The following P3H2 variants were observed in gnomAD, a reference collection of about 807,000 sequenced individuals.
P3H2 encodes leprecan-like 1.
A neutral mutation model predicts 87.0 loss-of-function variants in P3H2; 80 were observed. That is an observed-to-expected ratio of 0.92 (90% CI 0.77 to 1.11). The LOEUF (loss-of-function observed/expected upper bound fraction) is 1.11. Ranked by LOEUF, P3H2 falls within the 50% of genes least tolerant of loss-of-function variation. The pLI is 0.00. For missense variants in P3H2, 1,001 were observed against 923.9 expected (o/e 1.08, Z -1.08); for synonymous variants, 367 against 359.3 (o/e 1.02, Z -0.24).
chr3:190,099,521 G>A (rs1402987044), intron 1 of P3H2, among the ~76,000 whole-genome samples: 13 of 152,100 alleles, frequency 8.5e-5, no homozygotes. Flanking sequence ...TTATCACATA[G>A]CAAGAAAGAT....
rs1016261004 is a variant in P3H2, at chr3:190,021,395, A to G, written c.481-25953T>C. Among the ~76,000 whole-genome samples the G allele has an allele frequency of 3.0e-5, 4 of 134,742 alleles. 1 individual carries two copies. Among genetic ancestry groups the G allele is most frequent in the Non-Finnish European group, 6.6e-5 (4 of 60,344 alleles). 88.4% of individuals were successfully genotyped at this position (134,742 alleles called of 152,430 possible). ...TAAAATTCAATTATTAAACTATTTCAGTTTGTTTTTAAAGTCTTCCTTTTT... is the reference window on the plus strand; with the variant it reads ...TAAAATTCAATTATTAAACTATTTCGGTTTGTTTTTAAAGTCTTCCTTTTT... On this transcript the variant is annotated intron_variant, in intron 1 of 14. Coordinates refer to ENST00000319332, the MANE Select transcript of P3H2 (RefSeq NM_018192.4).
intron 1 of P3H2, among the ~76,000 whole-genome samples, chr3:190,008,137 T>G (rs1403382224): frequency 6.6e-6 from 1 of 151,718 alleles, no homozygotes; most frequent in Non-Finnish European, 1.5e-5. Context: ...AAGTATAGAG[T>G]GAAAAGTGTT....
chr3:189,974,488 C>A (rs1393692626), intron 9 of P3H2, 70 bp downstream of exon 9: 33 of 1,603,756 alleles, frequency 2.1e-5, no homozygotes, highest in African/African-American at 2.7e-5. Flanking sequence ...CAGATGAGAC[C>A]AGGACCAAAG....
intron 1 of P3H2, among the ~76,000 whole-genome samples, chr3:190,103,628 C>G (rs931319053): frequency 1.3e-5 from 2 of 152,072 alleles, no homozygotes; most frequent in African/African-American, 2.4e-5. Flanking sequence ...GGTGGCAAGG[C>G]TGAAAGAGCA....
chr3:190,014,946 C>T (rs942175619), intron 1 of P3H2, among the ~76,000 whole-genome samples: 1 of 152,156 alleles, frequency 6.6e-6, no homozygotes, highest in African/African-American at 2.4e-5. Context: ...CTTAAGCAAA[C>T]CATTCAATAT....
chr3:190,012,922 G>T (rs768382485), intron 1 of P3H2, among the ~76,000 whole-genome samples: 2 of 152,126 alleles, frequency 1.3e-5, no homozygotes, highest in African/African-American at 4.8e-5. Context: ...TTGAAAGTCC[G>T]CTTAGCTCAT....
intron 13 of P3H2, among the ~76,000 whole-genome samples, chr3:189,968,865 A>G (rs1055464175): frequency 6.6e-6 from 1 of 151,914 alleles, no homozygotes. Flanking sequence ...GCTTTTTTTC[A>G]TATGTTTGTT....
At chr3:190,118,569 G>A (rs942579429) in intron 1 of P3H2, among the ~76,000 whole-genome samples, 1 of 151,708 alleles carries the variant, frequency 6.6e-6, no homozygotes, top group South Asian at 2.1e-4. Flanking sequence ...ACAAGTCCTG[G>A]AAAGGATTCA....
rs570556995 is a variant in P3H2 at position 190,120,181 on chromosome 3, C to T, written c.480+71G>A. 10 of 1,534,472 alleles carry T rather than the reference C, an allele frequency of 6.5e-6. No individual in the cohort carries two copies. In the African/African-American group the frequency reaches 1.2e-4, roughly 19 times the overall value. On this transcript the variant is annotated intron_variant, in intron 1 of 14. Transcript: ENST00000319332. ...AAAGACTGAACAGAGATGACGGGGG[C>T]AGCAGGGAGGGCTCAAGAGAGCGTG...
At chr3:190,066,190 C>CAT (rs1239929986) in intron 1 of P3H2, among the ~76,000 whole-genome samples, 3 of 149,546 alleles carry the variant, frequency 2.0e-5, no homozygotes, top group Admixed American at 1.3e-4. Context: ...TATATACACA[C>CAT]ATATATATAT....
intron 1 of P3H2, among the ~76,000 whole-genome samples, chr3:190,066,896 T>A (rs1026122941): frequency 3.9e-5 from 6 of 152,092 alleles, no homozygotes; most frequent in African/African-American, 1.4e-4. Context: ...CTTCCACCTT[T>A]CCAGACCCAG....
chr3:189,985,735 C>T (rs1723675685), intron 6 of P3H2, among the ~76,000 whole-genome samples: 1 of 151,584 alleles, frequency 6.6e-6, no homozygotes, highest in Admixed American at 6.6e-5. Flanking sequence ...AATTTATTTT[C>T]AGGACATAAT....
chr3:190,110,954 A>C (rs1712047339), intron 1 of P3H2, among the ~76,000 whole-genome samples: 1 of 152,190 alleles, frequency 6.6e-6, no homozygotes, highest in Admixed American at 6.5e-5. Context: ...TGTGCTCAAA[A>C]ACTGAATCTA....
intron 1 of P3H2, among the ~76,000 whole-genome samples, chr3:190,089,233 C>T (rs528397796): frequency 1.3e-5 from 2 of 151,764 alleles, no homozygotes; most frequent in Non-Finnish European, 2.9e-5. Context: ...GCGGGGGAAG[C>T]GGGGAGGGAT....
At chr3:190,041,406 G>A (rs530834825) in intron 1 of P3H2, among the ~76,000 whole-genome samples, 2 of 151,552 alleles carry the variant, frequency 1.3e-5, no homozygotes, top group African/African-American at 4.8e-5. Context: ...GTGAAGAGAA[G>A]AAAACTTTAC....
chr3:190,067,261 G>A (rs111827289), intron 1 of P3H2, among the ~76,000 whole-genome samples: 1 of 151,966 alleles, frequency 6.6e-6, no homozygotes, highest in African/African-American at 2.4e-5. Context: ...AGGCATTCAA[G>A]AAATATTTAC....
At chr3:190,028,572 T>C (rs1332104606) in intron 1 of P3H2, among the ~76,000 whole-genome samples, 3 of 152,204 alleles carry the variant, frequency 2.0e-5, no homozygotes. Context: ...AATGATCTTT[T>C]TGACCACAAG....
In P3H2 at chr3:189,987,394, G is replaced by A. The variant is rs113680648; in HGVS notation, c.1098+133C>T. On this transcript the variant is annotated intron_variant, in intron 5 of 14. Transcript: ENST00000319332. ...CTAGGGAGGCTGAGGCAGGAGAATC[G>A]CTTGAACCCGGGAGGCGGAGGTTGC... 4.9e-4 allele frequency: 467 copies of A among 955,894 alleles called. 1 individual carries two copies. The African/African-American group carries it at 5.3e-3, about 11-fold the overall frequency. 59.2% of individuals were successfully genotyped at this position (955,894 alleles called of 1,614,324 possible). A position where few individuals can be genotyped will look rare whatever the true frequency, so the allele number is the denominator to read the frequency against.
At chr3:190,082,562 AG>A (rs1169615017) in intron 1 of P3H2, among the ~76,000 whole-genome samples, 5 of 152,332 alleles carry the variant, frequency 3.3e-5, no homozygotes, top group Middle Eastern at 6.8e-3. Flanking sequence ...TATTTGTGCT[AG>A]GAACACTACC....
Sources: allele counts gnomAD v4.1 joint callset (sites outside exome capture counted in the v4.1 genomes callset), GRCh38; gene constraint gnomAD v4.1.1; transcripts MANE v1.5; gene names NCBI Gene and HGNC (gene_info 2026-07-23, HGNC 2026-07-21).